GSKIP: variants seen among roughly 807,000 people sequenced by gnomAD.
GSKIP encodes the protein GSK3B interacting protein, also known as GSK3B-interacting protein.
GSKIP carries 5 observed loss-of-function variants against 11.9 expected under a neutral mutation model. The ratio of observed to expected loss-of-function variants is 0.42; its 90% CI spans 0.22 to 0.89. The LOEUF (loss-of-function observed/expected upper bound fraction) is 0.89. Ranked by LOEUF, GSKIP falls within the 40% of genes least tolerant of loss-of-function variation. GSKIP has a pLI of 0.29. For synonymous variants in GSKIP, 70 were observed against 62.9 expected (o/e 1.11, Z -0.54); for missense variants, 150 against 166.6 (o/e 0.90, Z 0.55).
At chr14:96,380,924 G>T (rs1297894313) in intron 2 of GSKIP, among the ~76,000 whole-genome samples, 1 of 152,158 alleles carries the variant, frequency 6.6e-6, no homozygotes, top group Admixed American at 6.5e-5. Context: ...GTGTGGTGAG[G>T]GGGTGGGACT....
chr14:96,373,298 T>C (rs954861082), intron 1 of GSKIP, among the ~76,000 whole-genome samples: 1 of 150,504 alleles, frequency 6.6e-6, no homozygotes, highest in African/African-American at 2.4e-5. Flanking sequence ...AGAGGTGATA[T>C]GAAAATTATA....
chr14:96,379,121 A>T (rs1889278379), intron 1 of GSKIP: 1 of 152,164 alleles, frequency 6.6e-6, no homozygotes, highest in African/African-American at 2.4e-5. Flanking sequence ...AGTTCAAGAC[A>T]AGCCTGGCCA....
chr14:96,379,647 A>G (rs1230760591), intron 1 of GSKIP, 41 bp from the exon 2 acceptor site: 1 of 152,204 alleles, frequency 6.6e-6, no homozygotes, highest in Non-Finnish European at 1.5e-5. Flanking sequence ...AAGTGTCTTA[A>G]AAGTTCAGTC....
intron 1 of GSKIP, among the ~76,000 whole-genome samples, chr14:96,370,189 G>A (rs1889005727): frequency 6.6e-6 from 1 of 152,182 alleles, no homozygotes; most frequent in South Asian, 2.1e-4. Context: ...CCGTCATTGT[G>A]TATCTTGGAA....
intron 1 of GSKIP, among the ~76,000 whole-genome samples, chr14:96,374,531 C>T (rs1380581124): frequency 1.3e-5 from 2 of 152,116 alleles, no homozygotes; most frequent in African/African-American, 4.8e-5. Flanking sequence ...CGAGAAACAT[C>T]TTTTTAATTT....
intron 1 of GSKIP, among the ~76,000 whole-genome samples, chr14:96,373,706 A>G (rs1474369686): frequency 1.3e-5 from 2 of 152,144 alleles, no homozygotes; most frequent in Non-Finnish European, 2.9e-5. Flanking sequence ...TTCATAGGGC[A>G]TTGGGTAGAG....
chr14:96,385,126 A>T (rs2139946529), intron 3 of GSKIP, among the ~76,000 whole-genome samples: 1 of 152,322 alleles, frequency 6.6e-6, no homozygotes, highest in East Asian at 1.9e-4. Flanking sequence ...GTGGACCCTC[A>T]ATATATGTGG....
intron 1 of GSKIP, among the ~76,000 whole-genome samples, chr14:96,376,092 A>G (rs554054841): frequency 6.6e-6 from 1 of 152,310 alleles, no homozygotes; most frequent in East Asian, 1.9e-4. Context: ...CTAATAGCAC[A>G]CCCCAATTAA....
In GSKIP at chr14:96,382,353, G is replaced by A. The variant is rs762900253; in HGVS notation, c.106G>A (p.Glu36Lys). The change falls in exon 3 of 4, where the codon GAA becomes AAA. Residue 36 changes from glutamate (E) to lysine (K), a missense_variant. Coordinates refer to ENST00000555181, the MANE Select transcript of GSKIP (RefSeq NM_016472.5). ...EGTDMKDMRL[E>K]AEAVVNDVLF... Reference sequence around the variant, plus strand: ...AACTGACATGAAAGACATGAGGCTCGAAGCTGAAGCAGTTGTAAATGATGT... The same window carrying A: ...AACTGACATGAAAGACATGAGGCTCAAAGCTGAAGCAGTTGTAAATGATGT... 1.8e-5 allele frequency: 29 copies of A among 1,613,760 alleles called. No individual in the cohort carries two copies. Among genetic ancestry groups the A allele is most frequent in the Non-Finnish European group, 2.4e-5 (28 of 1,179,940 alleles).
chr14:96,386,187 T>G lies in GSKIP; in HGVS notation c.*503T>G, dbSNP rs1889485758. Reference sequence around the variant, plus strand: ...CCCCTGCACAAATTTTGAAATTCACTGCTTCACTTAATCTATTTATATTAC... The same window carrying G: ...CCCCTGCACAAATTTTGAAATTCACGGCTTCACTTAATCTATTTATATTAC... On this transcript the variant is annotated 3_prime_UTR_variant, in exon 4 of 4. Coordinates refer to ENST00000555181, the MANE Select transcript of GSKIP (RefSeq NM_016472.5). 1 of 152,534 alleles carries G rather than the reference T, an allele frequency of 6.6e-6. No homozygotes were observed. The highest frequency in any genetic ancestry group is 2.4e-5 in the African/African-American group (1 of 41,464). The allele number at this position is 152,534 out of a possible 1,614,324, so 9.4% of individuals were successfully genotyped here.
chr14:96,371,835 C>T (rs187547825), intron 1 of GSKIP, among the ~76,000 whole-genome samples: 18 of 152,284 alleles, frequency 1.2e-4, no homozygotes, highest in African/African-American at 3.4e-4. Flanking sequence ...CCTAACTCAG[C>T]CCTAACCTTG....
At chr14:96,370,141 T>G (rs186336308) in intron 1 of GSKIP, among the ~76,000 whole-genome samples, 3 of 152,356 alleles carry the variant, frequency 2.0e-5, no homozygotes, top group Non-Finnish European at 4.4e-5. Context: ...CTTGGCCAAT[T>G]TCTCCCTTTG....
At chr14:96,369,666 G>A (rs1316569969) in intron 1 of GSKIP, among the ~76,000 whole-genome samples, 1 of 152,138 alleles carries the variant, frequency 6.6e-6, no homozygotes, top group Non-Finnish European at 1.5e-5. Context: ...TAGGACTTTG[G>A]GGCACAGAAT....
intron 3 of GSKIP, 81 bp downstream of exon 3, chr14:96,382,586 A>G (rs772142464): frequency 1.9e-6 from 2 of 1,050,670 alleles, no homozygotes; most frequent in Non-Finnish European, 2.7e-6. Context: ...GGGGAGGGGA[A>G]GAGTGTTAAA....
chr14:96,364,004 C>T (rs1888785061), intron 1 of GSKIP: 1 of 152,360 alleles, frequency 6.6e-6, no homozygotes, highest in Non-Finnish European at 1.5e-5. Flanking sequence ...CTCGCTTAAT[C>T]CTGGGTGTGT....
At chr14:96,372,024 G>A (rs78119171) in intron 1 of GSKIP, among the ~76,000 whole-genome samples, 2,973 of 152,254 alleles carry the variant, frequency 0.02, 34 homozygotes, top group Middle Eastern at 0.041. Context: ...CCCTAGACGC[G>A]TAGGGGTATA....
Position 96,382,279 on chromosome 14 carries a change from G to A in GSKIP, c.32G>A (p.Ser11Asn). Residue 11 changes from serine (S) to asparagine (N), a missense_variant, in exon 3 of 4, where the codon AGC (serine) becomes AAC (asparagine). By Grantham distance (46) the Ser-to-Asn change is conservative. Transcript: ENST00000555181. Reference protein sequence around the residue: METDCNPMELSSMSGFEEGSE... With the variant: METDCNPMELNSMSGFEEGSE... ...ACAGACTGTAATCCCATGGAGCTAAGCAGTATGTCAGGATTTGAAGAAGGT... is the reference window on the plus strand; with the variant it reads ...ACAGACTGTAATCCCATGGAGCTAAACAGTATGTCAGGATTTGAAGAAGGT... 1 of 1,610,298 alleles carries A rather than the reference G, an allele frequency of 6.2e-7. No homozygotes were observed. The highest frequency in any genetic ancestry group is 1.3e-5 in the African/African-American group (1 of 74,566).
In GSKIP at chr14:96,376,627, G is replaced by A. The variant is rs147079524; in HGVS notation, c.-102-3061G>A. 5.6e-4 allele frequency among the ~76,000 whole-genome samples: 85 copies of A among 152,272 alleles called. No individual in the cohort carries two copies. In the East Asian group the frequency reaches 0.013, roughly 24 times the overall value. On this transcript the variant is annotated intron_variant, in intron 1 of 3. Coordinates refer to ENST00000555181, the MANE Select transcript of GSKIP (RefSeq NM_016472.5). ...TAGTGATAAGAGTTTGTAGTAGGAC[G>A]AAGACATATCATTGTTTTCTGTAAT...
chr14:96,374,873 A>T (rs1034566311), intron 1 of GSKIP, among the ~76,000 whole-genome samples: 1 of 152,254 alleles, frequency 6.6e-6, no homozygotes, highest in South Asian at 2.1e-4. Context: ...ATACATGTAG[A>T]TATAGATCAG....
Sources: allele counts gnomAD v4.1 joint callset (sites outside exome capture counted in the v4.1 genomes callset), GRCh38; gene constraint gnomAD v4.1.1; transcripts MANE v1.5; gene names NCBI Gene and HGNC (gene_info 2026-07-23, HGNC 2026-07-21).